The following ZNF600 variants were observed in gnomAD, a reference collection of about 807,000 sequenced individuals.
ZNF600 encodes zinc finger protein KR-ZNF1.
A neutral mutation model predicts 7.3 loss-of-function variants in ZNF600; 4 were observed. The ratio of observed to expected loss-of-function variants is 0.55; its 90% CI spans 0.27 to 1.25. The LOEUF (loss-of-function observed/expected upper bound fraction) is 1.25, where lower values mean the gene tolerates loss of function less well. Ranked by LOEUF, ZNF600 falls within the 50% of genes most tolerant of loss-of-function variation. The pLI, the probability that ZNF600 is intolerant of heterozygous loss-of-function variation, is 0.12. For missense variants in ZNF600, 911 were observed against 922.1 expected (o/e 0.99, Z 0.16); for synonymous variants, 290 against 308.9 (o/e 0.94, Z 0.64).
the ZNF600 span, among the ~76,000 whole-genome samples, chr19:52,824,859 A>G: frequency 6.6e-6 from 1 of 152,174 alleles, no homozygotes; most frequent in Non-Finnish European, 1.5e-5. Flanking sequence ...ACAAATTTAT[A>G]AAACAGAGAC....
At chr19:52,775,043 C>A (rs1289197155) in intron 2 of ZNF600, among the ~76,000 whole-genome samples, 1 of 152,080 alleles carries the variant, frequency 6.6e-6, no homozygotes, top group Non-Finnish European at 1.5e-5. Flanking sequence ...AGTTCGAGAC[C>A]ACCCTGGCCA....
intron 2 of ZNF600, among the ~76,000 whole-genome samples, chr19:52,778,126 G>A (rs1253187772): frequency 6.7e-6 from 1 of 149,000 alleles, no homozygotes; most frequent in Non-Finnish European, 1.5e-5. Flanking sequence ...TGATTATCCT[G>A]CCTCAGCCTC....
At chr19:52,780,856 T>A (rs189840119) in intron 1 of ZNF600, 2 of 152,254 alleles carry the variant, frequency 1.3e-5, no homozygotes, top group South Asian at 2.1e-4. Flanking sequence ...TTTCACAAAT[T>A]TAAAATACAT....
chr19:52,816,373 T>G, the ZNF600 span, among the ~76,000 whole-genome samples: 2 of 145,752 alleles, frequency 1.4e-5, no homozygotes, highest in Non-Finnish European at 1.5e-5. Context: ...ACAAAAAAAT[T>G]AGCCAGGCAA....
intron 2 of ZNF600, among the ~76,000 whole-genome samples, chr19:52,778,233 C>T (rs779081080): frequency 2.5e-4 from 38 of 151,798 alleles, no homozygotes; most frequent in Non-Finnish European, 4.0e-4. Context: ...AGGCTGGTCT[C>T]GAACTCTTGA....
chr19:52,813,012 C>T, the ZNF600 span, among the ~76,000 whole-genome samples: 1 of 151,486 alleles, frequency 6.6e-6, no homozygotes, highest in East Asian at 1.9e-4. Flanking sequence ...AACTATCACC[C>T]AATTTAAGCA....
the ZNF600 span, among the ~76,000 whole-genome samples, chr19:52,829,881 C>T: frequency 2.4e-4 from 37 of 152,188 alleles, no homozygotes; most frequent in South Asian, 8.3e-4. Context: ...TCATCAACAT[C>T]GCTGAAGGCT....
intron 2 of ZNF600, among the ~76,000 whole-genome samples, chr19:52,775,447 G>T (rs2062666899): frequency 6.6e-6 from 1 of 151,864 alleles, no homozygotes; most frequent in Non-Finnish European, 1.5e-5. Flanking sequence ...CTACTCAAGA[G>T]GCTGAGGCAG....
chr19:52,783,310 T>C (rs985699245), intron 1 of ZNF600, among the ~76,000 whole-genome samples: 2 of 152,242 alleles, frequency 1.3e-5, no homozygotes, highest in Non-Finnish European at 2.9e-5. Context: ...ACCACTCATC[T>C]GCACCCAGGG....
the ZNF600 span, chr19:52,810,116 G>GGAGCCGGGACTGGTCGAGGGT: frequency 1.2e-6 from 1 of 818,952 alleles, no homozygotes; most frequent in Non-Finnish European, 2.1e-6. Context: ...AGGAGGGGGA[G>GGAGCCGGGACTGGTCGAGGGT]GAGCCGGGAC....
intron 1 of ZNF600, chr19:52,781,053 G>C (rs574425362): frequency 2.3e-4 from 35 of 152,366 alleles, no homozygotes; most frequent in African/African-American, 5.1e-4. Context: ...TCAGGGGCGA[G>C]GCCTGCAGGG....
the ZNF600 span, among the ~76,000 whole-genome samples, chr19:52,815,897 A>G: frequency 6.8e-6 from 1 of 147,532 alleles, no homozygotes; most frequent in Non-Finnish European, 1.5e-5. Flanking sequence ...ACAAACTCCA[A>G]TGACGTGAGT....
the ZNF600 span, chr19:52,799,550 G>T: frequency 1.4e-6 from 2 of 1,442,598 alleles, no homozygotes; most frequent in Non-Finnish European, 1.9e-6. Context: ...GAATGGCTTT[G>T]TGACTTACAA....
chr19:52,785,822 C>T (rs1039463162), intron 1 of ZNF600, among the ~76,000 whole-genome samples: 4 of 152,132 alleles, frequency 2.6e-5, no homozygotes, highest in Non-Finnish European at 4.4e-5. Context: ...TGGTGAGCCT[C>T]CCTCTTTGCT....
chr19:52,816,834 A>AAATAATAATAATAAT, the ZNF600 span, among the ~76,000 whole-genome samples: 111 of 138,418 alleles, frequency 8.0e-4, no homozygotes, highest in African/African-American at 2.6e-3. Flanking sequence ...CCGTTTCAGA[A>AAATAATAATAATAAT]AATAATAATA....
chr19:52,833,156 T>C, the ZNF600 span, among the ~76,000 whole-genome samples: 13 of 152,306 alleles, frequency 8.5e-5, no homozygotes, highest in African/African-American at 3.1e-4. Context: ...TTTTCCAGAA[T>C]TTACCAGATA....
intron 2 of ZNF600, among the ~76,000 whole-genome samples, chr19:52,778,452 T>C (rs921386021): frequency 3.3e-5 from 5 of 152,206 alleles, no homozygotes; most frequent in African/African-American, 1.2e-4. Context: ...GATATCTGTG[T>C]ACACTAACAT....
the ZNF600 span, among the ~76,000 whole-genome samples, chr19:52,794,437 C>G: frequency 6.6e-6 from 1 of 152,114 alleles, no homozygotes; most frequent in East Asian, 1.9e-4. Context: ...ACTGTTGTTA[C>G]GAGCAGGAGA....
the ZNF600 span, among the ~76,000 whole-genome samples, chr19:52,793,812 AC>A: frequency 6.6e-5 from 8 of 121,776 alleles, 1 homozygote; most frequent in Non-Finnish European, 1.2e-4. Flanking sequence ...ACACACACAC[AC>A]ACACAAAAGT....
Sources: allele counts gnomAD v4.1 joint callset (sites outside exome capture counted in the v4.1 genomes callset), GRCh38; gene constraint gnomAD v4.1.1; transcripts MANE v1.5; gene names NCBI Gene and HGNC (gene_info 2026-07-23, HGNC 2026-07-21).